The following SMARCAD1 variants were observed in gnomAD, a reference collection of about 807,000 sequenced individuals.
SMARCAD1 encodes the protein SNF2 related chromatin remodeling ATPase with DExD box 1.
A neutral mutation model predicts 127.1 loss-of-function variants in SMARCAD1; 25 were observed. The observed-to-expected ratio is 0.20, with a 90% CI of 0.14 to 0.27. SMARCAD1 has a LOEUF of 0.27. Ranked by LOEUF, SMARCAD1 falls within the 10% of genes least tolerant of loss-of-function variation. The probability of loss-of-function intolerance (pLI) is 1.00; values close to 1 mark genes in which losing one functional copy is unlikely to be tolerated. For missense variants in SMARCAD1, 807 were observed against 1,206.0 expected (o/e 0.67, Z 4.90); for synonymous variants, 400 against 396.9 (o/e 1.01, Z -0.09).
In SMARCAD1 at chr4:94,289,991, A is replaced by G; in HGVS notation, c.*457A>G. On this transcript the variant is annotated 3_prime_UTR_variant, in exon 24 of 24. Coordinates refer to ENST00000354268, the MANE Select transcript of SMARCAD1 (RefSeq NM_020159.5). ...TTTGAAGTTCTTTTTTATTATGTTA[A>G]AGAATGCAGCTGTATAGATTATATA... The G allele has an allele frequency of 2.2e-6, 1 of 454,338 alleles. No homozygotes were observed. The highest frequency in any genetic ancestry group is 1.6e-5 in the South Asian group (1 of 64,424). The allele number at this position is 454,338 out of a possible 1,614,324, so 28.1% of individuals were successfully genotyped here. A position where few individuals can be genotyped will look rare whatever the true frequency, so the allele number is the denominator to read the frequency against.
At chr4:94,224,915 T>G (rs1744765160) in intron 2 of SMARCAD1, among the ~76,000 whole-genome samples, 1 of 152,194 alleles carries the variant, frequency 6.6e-6, no homozygotes, top group Non-Finnish European at 1.5e-5. Flanking sequence ...ACAGCTATCA[T>G]TTTTAACCTT....
At chr4:94,251,833 T>G (rs1048877371) in intron 8 of SMARCAD1, among the ~76,000 whole-genome samples, 9 of 152,038 alleles carry the variant, frequency 5.9e-5, no homozygotes, top group African/African-American at 2.2e-4. Context: ...TTGATAATAC[T>G]GTATTTGAAT....
At chr4:94,258,217 C>T (rs567832203) in intron 9 of SMARCAD1, among the ~76,000 whole-genome samples, 3 of 151,548 alleles carry the variant, frequency 2.0e-5, no homozygotes, top group African/African-American at 4.8e-5. Context: ...TGCAGTGATG[C>T]GATCTCAGCT....
chr4:94,246,543 G>A (rs572806881), intron 6 of SMARCAD1, among the ~76,000 whole-genome samples: 3 of 152,272 alleles, frequency 2.0e-5, no homozygotes, highest in African/African-American at 7.2e-5. Flanking sequence ...AGATAGGTGC[G>A]GCCTTTCTTT....
At chr4:94,268,906 TTAAAA>T (rs1752127913) in intron 10 of SMARCAD1, among the ~76,000 whole-genome samples, 2 of 152,216 alleles carry the variant, frequency 1.3e-5, no homozygotes, top group African/African-American at 2.4e-5. Flanking sequence ...GATCTGGAAA[TTAAAA>T]TGTCTATGAT....
chr4:94,210,867 G>A (rs1037739684), intron 2 of SMARCAD1, among the ~76,000 whole-genome samples: 1 of 144,664 alleles, frequency 6.9e-6, no homozygotes, highest in African/African-American at 2.6e-5. Flanking sequence ...CTGGGAGGCA[G>A]AGGTTGCAGT....
chr4:94,276,195 G>T lies in SMARCAD1; in HGVS notation c.1809-144G>T, dbSNP rs1011299256. The T allele has an allele frequency of 1.3e-5, 10 of 757,868 alleles. No homozygotes were observed. The East Asian group carries it at 2.7e-4, about 21-fold the overall frequency. 46.9% of individuals were successfully genotyped at this position (757,868 alleles called of 1,614,324 possible). On this transcript the variant is annotated intron_variant, in intron 14 of 23. Coordinates refer to ENST00000354268, the MANE Select transcript of SMARCAD1 (RefSeq NM_020159.5). ...TACAAGTACGTCAGTATTTATTTGA[G>T]TATCACCCGTGTCTAGTGCTGTGCT...
intron 2 of SMARCAD1, among the ~76,000 whole-genome samples, chr4:94,209,078 C>T (rs1284280913): frequency 2.0e-5 from 3 of 152,310 alleles, no homozygotes; most frequent in South Asian, 2.1e-4. Context: ...CCTCAGAATG[C>T]AAATGAGTAA....
chr4:94,282,919 G>A (rs779211521), intron 21 of SMARCAD1, among the ~76,000 whole-genome samples: 21 of 152,102 alleles, frequency 1.4e-4, no homozygotes, highest in Non-Finnish European at 5.9e-5. Flanking sequence ...AGTAAGAGTT[G>A]GTAGGGGTAG....
At chr4:94,248,383 A>G (rs1201708082) in intron 6 of SMARCAD1, 1 of 422,584 alleles carries the variant, frequency 2.4e-6, no homozygotes, top group Non-Finnish European at 4.8e-6. Flanking sequence ...TTATGTAGTG[A>G]AAAAGCAGTG....
chr4:94,273,209 T>G (rs938029264), intron 11 of SMARCAD1, among the ~76,000 whole-genome samples: 9 of 152,218 alleles, frequency 5.9e-5, no homozygotes, highest in African/African-American at 1.9e-4. Flanking sequence ...ATTATATTCT[T>G]AAGGGTAGAA....
intron 6 of SMARCAD1, among the ~76,000 whole-genome samples, chr4:94,246,668 C>G (rs1289357363): frequency 6.6e-6 from 1 of 152,134 alleles, no homozygotes; most frequent in Non-Finnish European, 1.5e-5. Context: ...ACGTATCTGA[C>G]CAGTACCATT....
At chr4:94,228,351 A>G (rs1276930239) in intron 3 of SMARCAD1, among the ~76,000 whole-genome samples, 2 of 152,228 alleles carry the variant, frequency 1.3e-5, no homozygotes, top group South Asian at 2.1e-4. Flanking sequence ...AACAGCAATT[A>G]CAATAACTAC....
At chr4:94,230,848 T>TA (rs1745729777) in intron 3 of SMARCAD1, among the ~76,000 whole-genome samples, 2 of 152,158 alleles carry the variant, frequency 1.3e-5, no homozygotes, top group Non-Finnish European at 1.5e-5. Context: ...AAGAGCCTGT[T>TA]ACAGAGATTC....
chr4:94,219,397 A>T (rs1203804385), intron 2 of SMARCAD1, among the ~76,000 whole-genome samples: 1 of 152,056 alleles, frequency 6.6e-6, no homozygotes, highest in South Asian at 2.1e-4. Context: ...TTTTGTTCGA[A>T]TGAGCCTTAA....
chr4:94,263,378 G>C (rs1322813236), intron 9 of SMARCAD1, among the ~76,000 whole-genome samples: 1 of 152,000 alleles, frequency 6.6e-6, no homozygotes, highest in Non-Finnish European at 1.5e-5. Flanking sequence ...CTTATGAATA[G>C]ATCTTTCCCC....
rs769147935 is a variant in SMARCAD1 at position 94,236,555 on chromosome 4, TTTC to T, written c.538-395_538-393del. On this transcript the variant is annotated intron_variant, in intron 4 of 23. Transcript: ENST00000354268. ...ATGTCTGTCAGTCTCCTCTTTCCCC[TTTC>T]TCTCTCCATCTGACACACACACATA... is the stretch of plus-strand genomic sequence containing the variant. Among the ~76,000 whole-genome samples, 12 of 152,222 alleles carry T rather than the reference TTTC, an allele frequency of 7.9e-5. 1 individual carries two copies. Among genetic ancestry groups the T allele is most frequent in the Admixed American group, 2.6e-4 (4 of 15,276 alleles).
intron 2 of SMARCAD1, among the ~76,000 whole-genome samples, chr4:94,215,919 G>A (rs373571416): frequency 7.9e-5 from 12 of 151,978 alleles, no homozygotes; most frequent in African/African-American, 1.9e-4. Context: ...ATGTCTCTCC[G>A]ATAAATTATT....
At chr4:94,223,534 A>G (rs1161159983) in intron 2 of SMARCAD1, among the ~76,000 whole-genome samples, 1 of 151,890 alleles carries the variant, frequency 6.6e-6, no homozygotes, top group Non-Finnish European at 1.5e-5. Flanking sequence ...GTTTTTAAGG[A>G]AAACTGGACA....
Sources: allele counts gnomAD v4.1 joint callset (sites outside exome capture counted in the v4.1 genomes callset), GRCh38; gene constraint gnomAD v4.1.1; transcripts MANE v1.5; gene names NCBI Gene and HGNC (gene_info 2026-07-23, HGNC 2026-07-21).